The following CCT3 variants were observed in gnomAD, a reference collection of about 807,000 sequenced individuals.
CCT3 encodes chaperonin containing TCP1 subunit 3, also known as T-complex protein 1 subunit gamma.
A neutral mutation model predicts 65.3 loss-of-function variants in CCT3; 10 were observed. The ratio of observed to expected loss-of-function variants is 0.15; its 90% confidence interval spans 0.09 to 0.26. The LOEUF (loss-of-function observed/expected upper bound fraction) is 0.26. Among genes scored for constraint, CCT3 ranks in the 10% least tolerant of loss-of-function variants. The pLI, the probability that CCT3 is intolerant of heterozygous loss-of-function variation, is 1.00. For missense variants in CCT3, 626 were observed against 708.7 expected, an observed-to-expected ratio of 0.88 and a Z score of 1.33; for synonymous variants, 225 against 242.3, an observed-to-expected ratio of 0.93 and a Z score of 0.66.
At position 156,310,676 on chromosome 1, in the gene CCT3, T is replaced by C. The variant is rs763760969; in HGVS notation, c.1415A>G (p.Gln472Arg). ...LLTSLRAKHTQENCETWGVNG... is the reference protein window; with the variant it reads ...LLTSLRAKHTRENCETWGVNG... ...TACACCCCAGGTCTCACAGTTCTCC[T>C]GGGTGTGCTTGGCCTGCAATTGAAG... Residue 472 changes from glutamine (Q) to arginine (R), a missense_variant, in exon 13 of 14, where the codon CAG becomes CGG. Coordinates refer to ENST00000295688, the MANE Select transcript of CCT3 (RefSeq NM_005998.5). 1 of 1,613,704 alleles carries C rather than the reference T, an allele frequency of 6.2e-7. No homozygotes were observed. Among genetic ancestry groups the C allele is most frequent in the Non-Finnish European group, 8.5e-7 (1 of 1,179,884 alleles).
chr1:156,314,914 C>G (rs1472999082), intron 10 of CCT3, among the ~76,000 whole-genome samples: 1 of 152,148 alleles, frequency 6.6e-6, no homozygotes, highest in Admixed American at 6.6e-5. Flanking sequence ...ATGGACCCTT[C>G]TATGATAGAG....
At chr1:156,336,542 G>A (rs1665374708) in intron 1 of CCT3, among the ~76,000 whole-genome samples, 1 of 152,090 alleles carries the variant, frequency 6.6e-6, no homozygotes, top group South Asian at 2.1e-4. Flanking sequence ...GTAATAAGAA[G>A]GCCTCAGTAA....
At chr1:156,322,854 C>T (rs973946428) in intron 6 of CCT3, among the ~76,000 whole-genome samples, 39 of 151,844 alleles carry the variant, frequency 2.6e-4, no homozygotes, top group Non-Finnish European at 2.8e-4. Context: ...AGTGAAACTC[C>T]GTCTCAAAAA....
intron 8 of CCT3, among the ~76,000 whole-genome samples, chr1:156,318,224 A>ATTTTTT (rs58622068): frequency 7.7e-6 from 1 of 130,560 alleles, no homozygotes; most frequent in Admixed American, 8.2e-5. Flanking sequence ...GCCCTCTAGA[A>ATTTTTT]TTTTTTTTTT....
chr1:156,329,168 T>C (rs141516344), intron 5 of CCT3, among the ~76,000 whole-genome samples: 1 of 152,158 alleles, frequency 6.6e-6, no homozygotes, highest in African/African-American at 2.4e-5. Context: ...CTTTGTGGCC[T>C]AGAAGCAATA....
At chr1:156,325,526 T>C (rs1664762499) in intron 5 of CCT3, among the ~76,000 whole-genome samples, 1 of 151,356 alleles carries the variant, frequency 6.6e-6, no homozygotes, top group Non-Finnish European at 1.5e-5. Flanking sequence ...AGACCCTATC[T>C]CAAAAAATAA....
intron 7 of CCT3, 34 bp downstream of exon 7, chr1:156,320,788 GACTCATGCTAACATATA>G (rs1393371311): frequency 8.2e-7 from 1 of 1,225,302 alleles, no homozygotes; most frequent in Non-Finnish European, 1.2e-6. Context: ...CAAGTGAGAT[GACTCATGCTAACATATA>G]ATTTGACCCA....
At chr1:156,334,568 TA>T in intron 4 of CCT3, 144 bp downstream of exon 4, 4 of 697,876 alleles carry the variant, frequency 5.7e-6, no homozygotes, top group East Asian at 5.4e-5. Context: ...TATAAGATAA[TA>T]AATTTCTGTT....
chr1:156,333,734 T>C, intron 4 of CCT3, 91 bp from the exon 5 acceptor site: 3 of 887,098 alleles, frequency 3.4e-6, no homozygotes, highest in Non-Finnish European at 5.5e-6. Context: ...CTTGCTTCTA[T>C]ACGTACTTAC....
chr1:156,329,104 C>T (rs950392032), intron 5 of CCT3, among the ~76,000 whole-genome samples: 1 of 151,956 alleles, frequency 6.6e-6, no homozygotes, highest in Non-Finnish European at 1.5e-5. Flanking sequence ...GCTTATTATA[C>T]AAATACTTAC....
At chr1:156,327,225 C>T (rs1228849154) in intron 5 of CCT3, among the ~76,000 whole-genome samples, 1 of 152,216 alleles carries the variant, frequency 6.6e-6, no homozygotes, top group Non-Finnish European at 1.5e-5. Flanking sequence ...TACCTGCTTA[C>T]TGGCAGGTAA....
chr1:156,316,462 G>A (rs1664316494), intron 10 of CCT3, among the ~76,000 whole-genome samples: 1 of 152,208 alleles, frequency 6.6e-6, no homozygotes, highest in Admixed American at 6.5e-5. Flanking sequence ...AGTCAACTAT[G>A]TGTATGCATG....
In CCT3 at chr1:156,309,161, C is replaced by T. The variant is rs1473841252; in HGVS notation, c.*38G>A. ...CTCTGGCTCAGGAAAAGGGGAGACT[C>T]TGCTGGTTCTGTGCATTGAAGTAGC... On this transcript the variant is annotated 3_prime_UTR_variant, in exon 14 of 14. Transcript: ENST00000295688. 6 of 1,339,634 alleles carry T rather than the reference C, an allele frequency of 4.5e-6. No individual in the cohort carries two copies. Among genetic ancestry groups the T allele is most frequent in the Non-Finnish European group, 6.5e-6 (6 of 930,088 alleles). The allele number at this position is 1,339,634 out of a possible 1,614,324, so 83.0% of individuals were successfully genotyped here. A position where few individuals can be genotyped will look rare whatever the true frequency, so the allele number is the denominator to read the frequency against.
At chr1:156,330,567 G>C (rs1034082445) in intron 5 of CCT3, among the ~76,000 whole-genome samples, 1 of 152,094 alleles carries the variant, frequency 6.6e-6, no homozygotes, top group Non-Finnish European at 1.5e-5. Flanking sequence ...AGGAGGCTGA[G>C]GCATGAGAAT....
intron 7 of CCT3, 28 bp from the exon 8 acceptor site, chr1:156,319,045 C>A: frequency 1.3e-6 from 2 of 1,567,220 alleles, no homozygotes; most frequent in Middle Eastern, 1.7e-4. Context: ...GCACTTTAAT[C>A]CACAATCAAG....
At chr1:156,334,096 G>A (rs947876897) in intron 4 of CCT3, among the ~76,000 whole-genome samples, 3 of 152,102 alleles carry the variant, frequency 2.0e-5, no homozygotes, top group Non-Finnish European at 2.9e-5. Context: ...AAATTAAGCC[G>A]GGTGTGGTGG....
intron 5 of CCT3, among the ~76,000 whole-genome samples, chr1:156,327,982 CCTGT>C (rs1023848795): frequency 1.4e-5 from 2 of 144,876 alleles, no homozygotes; most frequent in East Asian, 2.1e-4. Flanking sequence ...TGGCAACCGC[CCTGT>C]CTGAGAAGTG....
intron 6 of CCT3, among the ~76,000 whole-genome samples, chr1:156,324,491 A>G (rs753511915): frequency 6.6e-6 from 1 of 152,036 alleles, no homozygotes; most frequent in Non-Finnish European, 1.5e-5. Flanking sequence ...TTCTTCTGAG[A>G]TGGGAGTTTC....
intron 5 of CCT3, among the ~76,000 whole-genome samples, chr1:156,331,153 ACCCGGGAT>A (rs2101670436): frequency 6.7e-6 from 1 of 149,552 alleles, no homozygotes; most frequent in Non-Finnish European, 1.5e-5. Flanking sequence ...AATCGCTTGA[ACCCGGGAT>A]CAGAGGCTGC....
Sources: allele counts gnomAD v4.1 joint callset (sites outside exome capture counted in the v4.1 genomes callset), GRCh38; gene constraint gnomAD v4.1.1; transcripts MANE v1.5; gene names NCBI Gene and HGNC (gene_info 2026-07-23, HGNC 2026-07-21).